SYT16: variants seen among roughly 807,000 people sequenced by gnomAD.
SYT16 encodes the protein synaptotagmin-16.
A neutral mutation model predicts 61.4 loss-of-function variants in SYT16; 42 were observed. That is an observed-to-expected ratio of 0.68 (90% CI 0.53 to 0.89). The LOEUF (loss-of-function observed/expected upper bound fraction) is 0.89. SYT16 is among the 40% of genes least tolerant of loss of function. The pLI, the probability that SYT16 is intolerant of heterozygous loss-of-function variation, is 0.00. For synonymous variants in SYT16, 314 were observed against 302.3 expected (o/e 1.04, Z -0.40); for missense variants, 804 against 807.3 (o/e 1.00, Z 0.05).
intron 5 of SYT16, among the ~76,000 whole-genome samples, chr14:62,077,322 G>A (rs1312735629): frequency 6.6e-6 from 1 of 152,194 alleles, no homozygotes; most frequent in Non-Finnish European, 1.5e-5. Context: ...GGAGCTCAAG[G>A]AATCATTTAT....
intron 1 of SYT16, among the ~76,000 whole-genome samples, chr14:61,914,093 CA>C (rs1594900841): frequency 1.3e-5 from 2 of 152,142 alleles, no homozygotes; most frequent in East Asian, 3.9e-4. Flanking sequence ...AGGCTATTGA[CA>C]TCTTTGAAAT....
At chr14:61,951,793 G>GTA (rs912740251) in intron 1 of SYT16, among the ~76,000 whole-genome samples, 2 of 151,876 alleles carry the variant, frequency 1.3e-5, no homozygotes. Context: ...ATTATATTCA[G>GTA]TATATATATA....
intron 1 of SYT16, among the ~76,000 whole-genome samples, chr14:61,859,090 A>C (rs1478005048): frequency 6.6e-6 from 1 of 151,414 alleles, no homozygotes; most frequent in Non-Finnish European, 1.5e-5. Flanking sequence ...TGATCTCCTG[A>C]CCTCATGATT....
intron 3 of SYT16, among the ~76,000 whole-genome samples, chr14:62,025,635 G>A (rs1233359087): frequency 4.0e-5 from 6 of 151,858 alleles, no homozygotes; most frequent in Non-Finnish European, 5.9e-5. Context: ...CATGGATTGT[G>A]CCTTTGGTGA....
intron 1 of SYT16, among the ~76,000 whole-genome samples, chr14:61,956,268 A>G (rs1188986599): frequency 1.3e-5 from 2 of 152,018 alleles, no homozygotes; most frequent in Non-Finnish European, 2.9e-5. Flanking sequence ...CATTTGGTTA[A>G]TTGTTTCCTT....
chr14:61,946,076 G>A (rs182275209), intron 1 of SYT16, among the ~76,000 whole-genome samples: 1 of 152,198 alleles, frequency 6.6e-6, no homozygotes, highest in Non-Finnish European at 1.5e-5. Context: ...AGGGGCTGGA[G>A]GAGAGATAGC....
chr14:62,043,609 A>G (rs1465075265), intron 3 of SYT16, among the ~76,000 whole-genome samples: 12 of 151,966 alleles, frequency 7.9e-5, no homozygotes, highest in Admixed American at 7.2e-4. Context: ...GGGTTTCACT[A>G]TGTTAGCCAG....
chr14:61,941,089 T>G (rs1482772010), intron 1 of SYT16, among the ~76,000 whole-genome samples: 1 of 152,164 alleles, frequency 6.6e-6, no homozygotes, highest in Non-Finnish European at 1.5e-5. Flanking sequence ...TAGTGCTCCT[T>G]TTGTTATGTT....
intron 1 of SYT16, among the ~76,000 whole-genome samples, chr14:61,828,971 A>G (rs1354455640): frequency 6.6e-6 from 1 of 152,244 alleles, no homozygotes; most frequent in Non-Finnish European, 1.5e-5. Context: ...CATAAAGTCT[A>G]TGGGCTTAGA....
rs180693727 is a variant in SYT16 at position 62,110,660 on chromosome 14, G to C, written c.*9953G>C. 4 of 152,034 alleles carry C rather than the reference G, an allele frequency of 2.6e-5. No homozygotes were observed. The East Asian group carries it at 7.7e-4, about 29-fold the overall frequency. 9.4% of individuals were successfully genotyped at this position (152,034 alleles called of 1,614,324 possible). ...TGAGGAGCTAGAAATAAAATATTAG[G>C]TTCTAATTTTTTTTTGTTCAAACAC... On this transcript the variant is annotated 3_prime_UTR_variant, in exon 8 of 8. Coordinates refer to ENST00000683842, the MANE Select transcript of SYT16 (RefSeq NM_001367656.1).
chr14:61,964,756 A>G (rs369722093), intron 1 of SYT16, among the ~76,000 whole-genome samples: 13 of 152,216 alleles, frequency 8.5e-5, no homozygotes, highest in South Asian at 2.1e-4. Context: ...TGATGAGGCA[A>G]ACTTCATTGT....
At chr14:61,926,664 T>A (rs1157712716) in intron 1 of SYT16, among the ~76,000 whole-genome samples, 1 of 152,216 alleles carries the variant, frequency 6.6e-6, no homozygotes, top group Non-Finnish European at 1.5e-5. Context: ...AGATATTACC[T>A]CTGAAGTGGA....
chr14:61,859,916 G>A (rs2046914316), intron 1 of SYT16, among the ~76,000 whole-genome samples: 2 of 152,100 alleles, frequency 1.3e-5, no homozygotes, highest in African/African-American at 4.8e-5. Context: ...GTTTGGAAAA[G>A]TACATTCAAA....
At chr14:62,051,128 G>A (rs893438882) in intron 3 of SYT16, among the ~76,000 whole-genome samples, 8 of 152,356 alleles carry the variant, frequency 5.3e-5, no homozygotes, top group African/African-American at 1.9e-4. Flanking sequence ...CCCAGTTCGA[G>A]CTTCCCGGCT....
At chr14:61,999,112 A>C (rs551455108) in intron 3 of SYT16, among the ~76,000 whole-genome samples, 1 of 151,592 alleles carries the variant, frequency 6.6e-6, no homozygotes, top group South Asian at 2.1e-4. Context: ...GTTTTCTTGC[A>C]ATATCTTTGG....
chr14:62,095,223 A>T (rs920998173), intron 7 of SYT16, among the ~76,000 whole-genome samples: 19 of 152,040 alleles, frequency 1.2e-4, no homozygotes, highest in Non-Finnish European at 2.5e-4. Context: ...AAATCCCTTT[A>T]TAGTCAAGAG....
intron 1 of SYT16, among the ~76,000 whole-genome samples, chr14:61,815,272 G>A (rs565738697): frequency 7.2e-5 from 11 of 152,316 alleles, no homozygotes; most frequent in African/African-American, 2.6e-4. Context: ...TAGGAACAGA[G>A]TGATGATCAC....
At chr14:62,061,609 G>A (rs769672382) in intron 3 of SYT16, among the ~76,000 whole-genome samples, 2 of 152,074 alleles carry the variant, frequency 1.3e-5, no homozygotes, top group Non-Finnish European at 2.9e-5. Context: ...ATTAATATCA[G>A]ACAAAGTAGA....
chr14:61,822,099 A>G (rs1226439545), intron 1 of SYT16, among the ~76,000 whole-genome samples: 1 of 152,234 alleles, frequency 6.6e-6, no homozygotes, highest in East Asian at 1.9e-4. Flanking sequence ...GCCTGGTAGC[A>G]TGGCTCAGTC....
Sources: allele counts gnomAD v4.1 joint callset (sites outside exome capture counted in the v4.1 genomes callset), GRCh38; gene constraint gnomAD v4.1.1; transcripts MANE v1.5; gene names NCBI Gene and HGNC (gene_info 2026-07-23, HGNC 2026-07-21).